Variants in THEMIS observed in about 807,000 individuals in gnomAD.
The protein encoded by THEMIS is protein THEMIS.
Under a neutral mutation model 52.6 loss-of-function variants are expected in THEMIS, and 37 were observed. That is an observed-to-expected ratio of 0.70 (90% confidence interval 0.54 to 0.93). The LOEUF is 0.93. Ranked by LOEUF, THEMIS falls within the 40% of genes least tolerant of loss-of-function variation. The pLI, the probability that THEMIS is intolerant of heterozygous loss-of-function variation, is 0.00. For synonymous variants in THEMIS, 292 were observed against 272.7 expected, an observed-to-expected ratio of 1.07 and a Z score of -0.70; for missense variants, 808 against 763.1, an observed-to-expected ratio of 1.06 and a Z score of -0.69.
At chr6:127,891,913 C>T (rs1326262858) in intron 1 of THEMIS, among the ~76,000 whole-genome samples, 1 of 152,186 alleles carries the variant, frequency 6.6e-6, no homozygotes, top group African/African-American at 2.4e-5. Context: ...CTTCCTCAAA[C>T]AGACAAAGCT....
At chr6:127,868,318 T>A (rs1286635667) in intron 1 of THEMIS, 7 of 350,728 alleles carry the variant, frequency 2.0e-5, no homozygotes. Flanking sequence ...ATTGTCTTGA[T>A]CAAGATGCAG....
At chr6:127,729,497 T>A (rs537091466) in intron 4 of THEMIS, among the ~76,000 whole-genome samples, 10 of 152,274 alleles carry the variant, frequency 6.6e-5, no homozygotes, top group African/African-American at 2.4e-4. Context: ...TCAATTCCCA[T>A]AGCTCTCCTC....
intron 4 of THEMIS, among the ~76,000 whole-genome samples, chr6:127,784,979 C>CTAT (rs1562255394): frequency 1.5e-5 from 2 of 136,006 alleles, no homozygotes; most frequent in Non-Finnish European, 1.7e-5. Context: ...ATCTATCTAT[C>CTAT]TATCTATCTA....
At chr6:127,904,208 C>A (rs1259057444), upstream of THEMIS, among the ~76,000 whole-genome samples, 1 of 152,038 alleles carries the variant, frequency 6.6e-6, no homozygotes, top group Non-Finnish European at 1.5e-5. Context: ...TTGCTCAGCA[C>A]CACTTTTTCC....
intron 2 of THEMIS, among the ~76,000 whole-genome samples, chr6:127,831,562 C>T (rs1778698621): frequency 1.3e-5 from 2 of 151,942 alleles, no homozygotes; most frequent in South Asian, 4.1e-4. Flanking sequence ...CATTTTTAGC[C>T]AATTATAGTG....
intron 3 of THEMIS, among the ~76,000 whole-genome samples, chr6:127,815,650 G>A (rs1778102368): frequency 6.6e-6 from 1 of 152,124 alleles, no homozygotes; most frequent in African/African-American, 2.4e-5. Flanking sequence ...ATAAAGTTTA[G>A]CATGCACTAA....
intron 1 of THEMIS, among the ~76,000 whole-genome samples, chr6:127,862,432 T>C (rs1373255704): frequency 7.7e-6 from 1 of 129,608 alleles, no homozygotes; most frequent in Admixed American, 7.8e-5. Flanking sequence ...GAGTAAATTT[T>C]TTTTTTTTTT....
intron 4 of THEMIS, among the ~76,000 whole-genome samples, chr6:127,785,220 T>TTATCTATCTATCTATCTATCTATCTATC (rs71028106): frequency 1.1e-5 from 1 of 93,758 alleles, no homozygotes; most frequent in Non-Finnish European, 2.5e-5. Context: ...ATTATCTATC[T>TTATCTATCTATCTATCTATCTATCTATC]TATCTATCTA....
At chr6:127,719,564 G>A (rs1364283036) in intron 5 of THEMIS, 124 bp downstream of exon 5, 4 of 767,404 alleles carry the variant, frequency 5.2e-6, no homozygotes, top group Non-Finnish European at 8.1e-6. Context: ...TGGCAGAGCA[G>A]GGTGATCACT....
At chr6:127,816,542 C>T (rs1778142140) in intron 3 of THEMIS, among the ~76,000 whole-genome samples, 1 of 152,180 alleles carries the variant, frequency 6.6e-6, no homozygotes, top group South Asian at 2.1e-4. Flanking sequence ...GTCCATAAAT[C>T]TCAGAGACAT....
chr6:127,752,522 T>C (rs553545803), intron 4 of THEMIS, among the ~76,000 whole-genome samples: 1 of 151,568 alleles, frequency 6.6e-6, no homozygotes, highest in African/African-American at 2.4e-5. Flanking sequence ...TGAACAAATA[T>C]ACACCAACAT....
At chr6:127,910,287 G>T (rs1019443999) in intron 1 of THEMIS, among the ~76,000 whole-genome samples, 2 of 151,948 alleles carry the variant, frequency 1.3e-5, no homozygotes, top group African/African-American at 4.8e-5. Context: ...TGAGAGCATT[G>T]CAACAAGCCT....
intron 4 of THEMIS, among the ~76,000 whole-genome samples, chr6:127,750,722 G>A (rs1437339545): frequency 6.6e-5 from 10 of 151,700 alleles, no homozygotes; most frequent in African/African-American, 2.2e-4. Flanking sequence ...GAATAAAGAA[G>A]CTGCTTAAAC....
rs1384914959 is a variant in THEMIS, at chr6:127,708,874, C to CA, written c.*1110dup. The CA allele has an allele frequency of 1.3e-5, 2 of 151,922 alleles. No homozygotes were observed. The highest frequency in any genetic ancestry group is 2.9e-5 in the Non-Finnish European group (2 of 67,918). The allele number at this position is 151,922 out of a possible 1,614,324, so 9.4% of individuals were successfully genotyped here. On this transcript the variant is annotated 3_prime_UTR_variant, in exon 6 of 6. Coordinates refer to ENST00000368248, the MANE Select transcript of THEMIS (RefSeq NM_001010923.3). Reference sequence around the variant, plus strand: ...GGTACAAAATCAACAAATTTCTCCACAAAACATAAAATAATTATGAGATAG... The same window carrying CA: ...GGTACAAAATCAACAAATTTCTCCACAAAAACATAAAATAATTATGAGATAG...
intron 1 of THEMIS, chr6:127,918,303 T>G (rs897792673): frequency 2.0e-5 from 3 of 152,210 alleles, no homozygotes; most frequent in Non-Finnish European, 4.4e-5. Context: ...AGAAATTTTC[T>G]TCTAGGCTAA....
chr6:127,769,249 G>A (rs1377119157), intron 4 of THEMIS, among the ~76,000 whole-genome samples: 1 of 151,912 alleles, frequency 6.6e-6, no homozygotes, highest in African/African-American at 2.4e-5. Context: ...GGTTCTCCTT[G>A]GTTTTCTTCA....
chr6:127,810,669 T>C (rs1339304702), intron 4 of THEMIS, among the ~76,000 whole-genome samples: 1 of 152,180 alleles, frequency 6.6e-6, no homozygotes, highest in African/African-American at 2.4e-5. Context: ...ACTGAGTCTG[T>C]GGTATTATGT....
At chr6:127,852,289 T>C (rs1779454953) in intron 2 of THEMIS, among the ~76,000 whole-genome samples, 1 of 151,534 alleles carries the variant, frequency 6.6e-6, no homozygotes, top group African/African-American at 2.4e-5. Flanking sequence ...TCAACAATAG[T>C]AGCTGGAAAC....
chr6:127,815,302 C>A (rs982220123), intron 3 of THEMIS, among the ~76,000 whole-genome samples: 1 of 151,872 alleles, frequency 6.6e-6, no homozygotes, highest in African/African-American at 2.4e-5. Flanking sequence ...GCCACCCTTC[C>A]GTCATTTTTT....
Sources: allele counts gnomAD v4.1 joint callset (sites outside exome capture counted in the v4.1 genomes callset), GRCh38; gene constraint gnomAD v4.1.1; transcripts MANE v1.5; gene names NCBI Gene and HGNC (gene_info 2026-07-23, HGNC 2026-07-21).